TBC1D9: variants seen among roughly 807,000 people sequenced by gnomAD.
TBC1D9 encodes TBC1 domain family member 9A.
TBC1D9 carries 63 observed loss-of-function variants against 132.0 expected under a neutral mutation model. That is an observed-to-expected ratio of 0.48 (90% CI 0.39 to 0.59). The LOEUF is 0.59. Among genes scored for constraint, TBC1D9 ranks in the 20% least tolerant of loss-of-function variants. The pLI is 0.00. For missense variants in TBC1D9, 1,261 were observed against 1,592.7 expected (o/e 0.79, Z 3.54); for synonymous variants, 610 against 609.9 (o/e 1.00, Z 0.00).
intron 2 of TBC1D9, among the ~76,000 whole-genome samples, chr4:140,691,346 T>C (rs1260269556): frequency 6.6e-6 from 1 of 152,230 alleles, no homozygotes; most frequent in African/African-American, 2.4e-5. Context: ...TCCTTATAAA[T>C]GGCTCTTCCA....
At chr4:140,714,927 C>T (rs1265567026) in intron 1 of TBC1D9, among the ~76,000 whole-genome samples, 1 of 152,050 alleles carries the variant, frequency 6.6e-6, no homozygotes, top group Non-Finnish European at 1.5e-5. Flanking sequence ...AGGAGACCAG[C>T]TCGGGCAACA....
In TBC1D9 at chr4:140,711,356, G is replaced by T. The variant is rs1022254939; in HGVS notation, c.131-9742C>A. The stretch of plus-strand genomic sequence containing the variant: ...AGGAAGGAGGGGCCTTTTTGGTGTG[G>T]TAGGAAGAGTTCATCGCTATGAAGC... On this transcript the variant is annotated intron_variant, in intron 1 of 20. Transcript: ENST00000442267. Among the ~76,000 whole-genome samples, 99 of 152,304 alleles carry T rather than the reference G, an allele frequency of 6.5e-4. 5 individuals carry two copies. The highest frequency in any genetic ancestry group is 3.4e-3 in the Middle Eastern group (1 of 294).
chr4:140,673,265 G>C (rs575881069), intron 6 of TBC1D9, among the ~76,000 whole-genome samples: 2 of 152,178 alleles, frequency 1.3e-5, no homozygotes, highest in African/African-American at 4.8e-5. Context: ...CTGTTGACTG[G>C]GTCTACCTTA....
At chr4:140,671,083 G>A (rs1366995989) in intron 6 of TBC1D9, among the ~76,000 whole-genome samples, 157 bp from the exon 7 acceptor site, 2 of 152,168 alleles carry the variant, frequency 1.3e-5, no homozygotes, top group African/African-American at 2.4e-5. Flanking sequence ...CTCTGTTCCA[G>A]TAAAATAAAA....
intron 13 of TBC1D9, chr4:140,644,762 G>T (rs1737075071): frequency 2.5e-6 from 1 of 401,646 alleles, no homozygotes; most frequent in Non-Finnish European, 4.9e-6. Flanking sequence ...CTGCAGCCTG[G>T]AGAGTACAGG....
At chr4:140,628,206 A>G in intron 17 of TBC1D9, 94 bp downstream of exon 17, 2 of 1,044,634 alleles carry the variant, frequency 1.9e-6, no homozygotes, top group Non-Finnish European at 3.0e-6. Context: ...GATGGTGTAT[A>G]TCAAAAAGAG....
chr4:140,622,445 C>A lies in TBC1D9; in HGVS notation c.3551G>T (p.Gly1184Val). ...GCTCCGCACCAGGACCGTGTCCTCT[C>A]CGATGTCCTCGCAGTGCAGCTTGTC... ...EEDKLHCEDIGEDTVLVRSGQ... is the reference protein window; with the variant it reads ...EEDKLHCEDIVEDTVLVRSGQ... Residue 1184 changes from glycine (G) to valine (V), a missense_variant, in exon 21 of 21, where the codon GGA becomes GTA. Physicochemically the swap from Gly to Val is moderately radical, Grantham distance 109 (BLOSUM62 -3). Transcript: ENST00000442267. 1 of 1,613,994 alleles carries A rather than the reference C, an allele frequency of 6.2e-7. No individual in the cohort carries two copies. The highest frequency in any genetic ancestry group is 8.5e-7 in the Non-Finnish European group (1 of 1,179,862).
At chr4:140,695,032 A>C (rs1170778885) in intron 2 of TBC1D9, among the ~76,000 whole-genome samples, 1 of 152,258 alleles carries the variant, frequency 6.6e-6, no homozygotes, top group Non-Finnish European at 1.5e-5. Context: ...TGCCTCATGC[A>C]GAAGGCAACT....
intron 11 of TBC1D9, 113 bp downstream of exon 11, chr4:140,659,475 G>A (rs1737324874): frequency 3.0e-6 from 2 of 667,334 alleles, no homozygotes; most frequent in African/African-American, 3.6e-5. Flanking sequence ...AACTGGAGTA[G>A]TCTGAAACTC....
chr4:140,709,662 C>T (rs1302999199), intron 1 of TBC1D9, among the ~76,000 whole-genome samples: 2 of 152,154 alleles, frequency 1.3e-5, no homozygotes, highest in African/African-American at 4.8e-5. Context: ...CAGCAGTCCC[C>T]AACCTTTTGG....
At chr4:140,712,782 T>TAGATAGATAGATAGA (rs879484533) in intron 1 of TBC1D9, among the ~76,000 whole-genome samples, 5 of 151,670 alleles carry the variant, frequency 3.3e-5, no homozygotes, top group South Asian at 2.1e-4. Context: ...GATAGATAGA[T>TAGATAGATAGATAGA]AGATAAATGG....
chr4:140,740,892 T>C (rs780696208), intron 1 of TBC1D9, among the ~76,000 whole-genome samples: 5 of 152,064 alleles, frequency 3.3e-5, no homozygotes, highest in Non-Finnish European at 7.4e-5. Flanking sequence ...AACTAGAAAA[T>C]CTAGCAATCT....
At chr4:140,645,173 C>A in intron 13 of TBC1D9, 1 of 550,560 alleles carries the variant, frequency 1.8e-6, no homozygotes, top group Non-Finnish European at 3.5e-6. Context: ...TCTCTCTGAG[C>A]AGCTTCTCCT....
intron 16 of TBC1D9, among the ~76,000 whole-genome samples, chr4:140,628,846 T>C (rs952658461): frequency 6.6e-6 from 1 of 152,228 alleles, no homozygotes; most frequent in Non-Finnish European, 1.5e-5. Context: ...ATTCTAGAAA[T>C]CCTTTTTAAT....
At chr4:140,657,852 A>G (rs1222744496) in intron 11 of TBC1D9, 40 bp from the exon 12 acceptor site, 10 of 1,576,632 alleles carry the variant, frequency 6.3e-6, no homozygotes, top group Non-Finnish European at 8.6e-6. Context: ...AGCTTAGCCA[A>G]CTACACAGTG....
At chr4:140,643,981 C>A in intron 13 of TBC1D9, 1 of 561,596 alleles carries the variant, frequency 1.8e-6, no homozygotes, top group Middle Eastern at 2.9e-4. Flanking sequence ...AGCGGCTCTT[C>A]CTCCGGGTCC....
chr4:140,661,365 C>T (rs992922512), intron 10 of TBC1D9, among the ~76,000 whole-genome samples: 1 of 152,134 alleles, frequency 6.6e-6, no homozygotes, highest in Non-Finnish European at 1.5e-5. Context: ...AGACATAACC[C>T]TAGCATATAA....
Position 140,700,215 on chromosome 4 carries a change from T to C in TBC1D9, c.241+1289A>G, listed in dbSNP as rs543886273. On this transcript the variant is annotated intron_variant, in intron 2 of 20. Transcript: ENST00000442267. ...CTGTAATCCCAGCACTTTGGGAGGT[T>C]GAGGGGGGCGGATCACCTGAGGTCA... is the stretch of plus-strand genomic sequence containing the variant. Among the ~76,000 whole-genome samples the C allele has an allele frequency of 9.3e-3, 1,415 of 152,060 alleles. 11 individuals carry two copies. The highest frequency in any genetic ancestry group is 0.014 in the Non-Finnish European group (962 of 67,970).
At chr4:140,677,452 G>A (rs553972689) in intron 5 of TBC1D9, among the ~76,000 whole-genome samples, 20 of 152,112 alleles carry the variant, frequency 1.3e-4, no homozygotes, top group Non-Finnish European at 2.9e-4. Context: ...GCCACTTTAG[G>A]GGGGGCCTTA....
Sources: allele counts gnomAD v4.1 joint callset (sites outside exome capture counted in the v4.1 genomes callset), GRCh38; gene constraint gnomAD v4.1.1; transcripts MANE v1.5; gene names NCBI Gene and HGNC (gene_info 2026-07-23, HGNC 2026-07-21).